Variants in DPYSL5 observed in about 807,000 individuals in gnomAD.
The protein encoded by DPYSL5 is dihydropyrimidinase like 5.
Under a neutral mutation model 58.4 loss-of-function variants are expected in DPYSL5, and 9 were observed. The ratio of observed to expected loss-of-function variants is 0.15; its 90% CI spans 0.09 to 0.27. The LOEUF (loss-of-function observed/expected upper bound fraction) is 0.27. Ranked by LOEUF, DPYSL5 falls within the 10% of genes least tolerant of loss-of-function variation. The pLI, the probability that DPYSL5 is intolerant of heterozygous loss-of-function variation, is 1.00. For synonymous variants in DPYSL5, 293 were observed against 301.9 expected (o/e 0.97, Z 0.31); for missense variants, 499 against 770.6 (o/e 0.65, Z 4.17).
intron 1 of DPYSL5, among the ~76,000 whole-genome samples, chr2:26,852,320 C>T (rs969343119): frequency 6.6e-6 from 1 of 152,180 alleles, no homozygotes; most frequent in Non-Finnish European, 1.5e-5. Flanking sequence ...GAAATAATTT[C>T]AAAATCGCTT....
intron 1 of DPYSL5, among the ~76,000 whole-genome samples, chr2:26,853,003 G>T (rs1270785467): frequency 6.6e-6 from 1 of 152,182 alleles, no homozygotes; most frequent in Non-Finnish European, 1.5e-5. Context: ...ATGGCAAGTT[G>T]CTGTAGGGAT....
chr2:26,933,075 T>C lies in DPYSL5; in HGVS notation c.715-183T>C, dbSNP rs1665076076. On this transcript the variant is annotated intron_variant, in intron 6 of 12. Coordinates refer to ENST00000288699, the MANE Select transcript of DPYSL5 (RefSeq NM_020134.4). The surrounding 1 kb of genome is among the most constrained non-coding windows in gnomAD (Gnocchi z 4.2). The stretch of plus-strand genomic sequence containing the variant: ...TTCTCTGCCTCCCCGTATCATGCAG[T>C]TCCTGCAACCTTGCCCTGACTGCCA... Among the ~76,000 whole-genome samples the C allele has an allele frequency of 6.6e-6, 1 of 152,194 alleles. No individual in the cohort carries two copies. Among genetic ancestry groups the C allele is most frequent in the Non-Finnish European group, 1.5e-5 (1 of 68,020 alleles).
chr2:26,892,076 A>T (rs1663894870), intron 1 of DPYSL5, among the ~76,000 whole-genome samples: 1 of 152,202 alleles, frequency 6.6e-6, no homozygotes, highest in Admixed American at 6.5e-5. Flanking sequence ...CATAAAACTC[A>T]CCTGGAAACC....
chr2:26,885,279 A>G (rs1663688354), intron 1 of DPYSL5, among the ~76,000 whole-genome samples: 1 of 152,288 alleles, frequency 6.6e-6, no homozygotes, highest in Non-Finnish European at 1.5e-5. Context: ...ACGCTGGCCA[A>G]TGCAGATGGT....
At chr2:26,850,252 A>G (rs1045714200) in intron 1 of DPYSL5, among the ~76,000 whole-genome samples, 4 of 152,136 alleles carry the variant, frequency 2.6e-5, no homozygotes, top group Admixed American at 1.3e-4. Flanking sequence ...GACTTCGCCC[A>G]TATTGTCTGC....
At chr2:26,940,283 C>T (rs1665282575) in intron 9 of DPYSL5, 111 bp downstream of exon 9, 1 of 1,326,684 alleles carries the variant, frequency 7.5e-7, no homozygotes, top group African/African-American at 1.5e-5. Context: ...AAAGAATGTT[C>T]TTAGAAGGGC....
intron 2 of DPYSL5, among the ~76,000 whole-genome samples, chr2:26,907,309 T>G (rs908628122): frequency 2.0e-5 from 3 of 151,934 alleles, no homozygotes; most frequent in African/African-American, 4.8e-5. Flanking sequence ...AGACGGAGTT[T>G]CTCCATGTTG....
intron 2 of DPYSL5, among the ~76,000 whole-genome samples, chr2:26,906,507 G>A (rs1391512487): frequency 6.6e-6 from 1 of 152,076 alleles, no homozygotes; most frequent in East Asian, 1.9e-4. Context: ...GAGCTCACCT[G>A]ATTAGCCCAG....
chr2:26,850,671 A>G (rs73923397), intron 1 of DPYSL5, among the ~76,000 whole-genome samples: 2,051 of 152,270 alleles, frequency 0.013, 50 homozygotes, highest in African/African-American at 0.046. Flanking sequence ...CCCAGCCTTG[A>G]AATCTCAGGA....
At chr2:26,909,507 C>T (rs1200503237) in intron 2 of DPYSL5, among the ~76,000 whole-genome samples, 1 of 152,068 alleles carries the variant, frequency 6.6e-6, no homozygotes, top group Non-Finnish European at 1.5e-5. Context: ...TGGCTCACGC[C>T]TGTAATCCCA....
chr2:26,926,577 C>T (rs1206557794), intron 3 of DPYSL5, among the ~76,000 whole-genome samples: 1 of 152,214 alleles, frequency 6.6e-6, no homozygotes, highest in Non-Finnish European at 1.5e-5. Flanking sequence ...ACCATCCCTG[C>T]TGTTAAACTT....
At position 26,888,524 on chromosome 2, in the gene DPYSL5, G is replaced by A. The variant is rs112865800; in HGVS notation, c.-4-9972G>A. Among the ~76,000 whole-genome samples, 377 of 152,144 alleles carry A rather than the reference G, an allele frequency of 2.5e-3. 2 individuals carry two copies. The highest frequency in any genetic ancestry group is 4.5e-3 in the Non-Finnish European group (304 of 67,994). Reference sequence around the variant, plus strand: ...TGACCTCAGGTGATCCACCCACCTCGACCTCCCAAAGTGCTGGGATTACAG... The same window carrying A: ...TGACCTCAGGTGATCCACCCACCTCAACCTCCCAAAGTGCTGGGATTACAG... On this transcript the variant is annotated intron_variant, in intron 1 of 12. Coordinates refer to ENST00000288699, the MANE Select transcript of DPYSL5 (RefSeq NM_020134.4).
At chr2:26,932,107 G>C (rs1438390024) in intron 6 of DPYSL5, among the ~76,000 whole-genome samples, 1 of 101,954 alleles carries the variant, frequency 9.8e-6, no homozygotes. Context: ...GAGAAAGAAA[G>C]AAAAGAAAAA....
At position 26,942,558 on chromosome 2, in the gene DPYSL5, C is replaced by T. The variant is rs1572722808; in HGVS notation, c.1248C>T (p.Ser416=). 6.2e-7 allele frequency: 1 copy of T among 1,614,090 alleles called. No individual in the cohort carries two copies. The highest frequency in any genetic ancestry group is 1.7e-4 in the Middle Eastern group (1 of 6,054). ...TCCCCACCAGGACCATCTCAGCCAG[C>T]ACGCAGGTCCAGGGAGGAGACTTCA... ...DPEATKTISA[S]TQVQGGDFNL... The change falls in exon 11 of 13, where the codon AGC becomes AGT. Residue 416 remains serine (S), a synonymous_variant. Transcript: ENST00000288699. This position sits in a 1 kb window ranked among gnomAD's most constrained non-coding sequence, Gnocchi z 5.9.
intron 2 of DPYSL5, among the ~76,000 whole-genome samples, chr2:26,918,224 G>C (rs1022677132): frequency 3.3e-5 from 5 of 151,842 alleles, no homozygotes; most frequent in African/African-American, 2.4e-5. Context: ...CATGCCCATG[G>C]AGCTGGGTGG....
intron 5 of DPYSL5, 88 bp from the exon 6 acceptor site, chr2:26,931,552 A>C: frequency 6.5e-7 from 1 of 1,536,100 alleles, no homozygotes; most frequent in Non-Finnish European, 9.0e-7. Flanking sequence ...CTATGGGTGC[A>C]GTTGCTCCAT....
chr2:26,857,685 C>T (rs1317595923), intron 1 of DPYSL5, among the ~76,000 whole-genome samples: 1 of 152,106 alleles, frequency 6.6e-6, no homozygotes, highest in Admixed American at 6.5e-5. Flanking sequence ...CCTATAATGG[C>T]CAGACAGGAC....
chr2:26,946,816 G>A (rs1177591059), intron 12 of DPYSL5, 94 bp from the exon 13 acceptor site: 1 of 900,218 alleles, frequency 1.1e-6, no homozygotes, highest in Non-Finnish European at 1.8e-6. Context: ...GATTCACTCA[G>A]GCCATGCACA....
At position 26,925,014 on chromosome 2, in the gene DPYSL5, T is replaced by A; in HGVS notation, c.389T>A (p.Leu130His). 6.2e-7 allele frequency: 1 copy of A among 1,614,108 alleles called. No individual in the cohort carries two copies. Among genetic ancestry groups the A allele is most frequent in the Non-Finnish European group, 8.5e-7 (1 of 1,180,000 alleles). Residue 130 changes from leucine (L) to histidine (H), a missense_variant, in exon 3 of 13, where the codon CTC becomes CAC. Transcript: ENST00000288699. This position sits in a 1 kb window ranked among gnomAD's most constrained non-coding sequence, Gnocchi z 4.5. Reference sequence around the variant, plus strand: ...CCCAAGGTCTGCTGTGATTACGCCCTCCACGTGGGGATCACCTGGTGGGCA... The same window carrying A: ...CCCAAGGTCTGCTGTGATTACGCCCACCACGTGGGGATCACCTGGTGGGCA... ...ADPKVCCDYALHVGITWWAPK... is the reference protein window; with the variant it reads ...ADPKVCCDYAHHVGITWWAPK...
Sources: gnomAD v4.1 joint callset for allele counts (sites outside exome capture counted in the v4.1 genomes callset) on GRCh38, gnomAD v4.1.1 for gene constraint, Gnocchi (gnomAD v3.1) non-coding constraint, MANE v1.5 for transcripts, NCBI Gene and HGNC (gene_info 2026-07-23, HGNC 2026-07-21) for gene names.